SGCZ: variants seen among roughly 807,000 people sequenced by gnomAD.
The protein encoded by SGCZ is zeta-sarcoglycan.
Under a neutral mutation model 41.3 loss-of-function variants are expected in SGCZ, and 40 were observed. The ratio of observed to expected loss-of-function variants is 0.97; its 90% CI spans 0.75 to 1.26. The LOEUF is 1.26. SGCZ is among the 50% of genes most tolerant of loss of function. The pLI, the probability that SGCZ is intolerant of heterozygous loss-of-function variation, is 0.00. For missense variants in SGCZ, 552 were observed against 369.8 expected (o/e 1.49, Z -4.04); for synonymous variants, 206 against 137.5 (o/e 1.50, Z -3.49).
chr8:14,623,718 C>G (rs1417343656), intron 1 of SGCZ, among the ~76,000 whole-genome samples: 1 of 152,114 alleles, frequency 6.6e-6, no homozygotes, highest in Non-Finnish European at 1.5e-5. Flanking sequence ...AGCTGCTTGT[C>G]TTTCATGCAT....
intron 2 of SGCZ, among the ~76,000 whole-genome samples, chr8:14,352,355 C>T (rs1803131083): frequency 6.6e-6 from 1 of 151,810 alleles, no homozygotes; most frequent in African/African-American, 2.4e-5. Flanking sequence ...TAAATTTTGT[C>T]TTGGGAGGAA....
intron 2 of SGCZ, among the ~76,000 whole-genome samples, chr8:14,532,393 A>G (rs1803159914): frequency 6.6e-6 from 1 of 152,082 alleles, no homozygotes; most frequent in African/African-American, 2.4e-5. Flanking sequence ...CTTTGGAGCC[A>G]CCAATAACAG....
intron 1 of SGCZ, among the ~76,000 whole-genome samples, chr8:14,592,472 T>C (rs1174668238): frequency 6.6e-6 from 1 of 152,172 alleles, no homozygotes; most frequent in Non-Finnish European, 1.5e-5. Flanking sequence ...AATTCTTTCT[T>C]AATTTTACAA....
chr8:14,479,616 T>G (rs17302910), intron 2 of SGCZ, among the ~76,000 whole-genome samples: 22,108 of 152,132 alleles, frequency 0.15, 1,960 homozygotes, highest in South Asian at 0.2. Flanking sequence ...TTCTGCAATT[T>G]TAATTCCTCT....
chr8:14,243,412 A>C (rs377331336), intron 3 of SGCZ, among the ~76,000 whole-genome samples: 1 of 152,216 alleles, frequency 6.6e-6, no homozygotes, highest in Non-Finnish European at 1.5e-5. Context: ...TAAAACTCAC[A>C]TCGCAATAAC....
At chr8:14,651,850 A>C (rs1807409703) in intron 1 of SGCZ, among the ~76,000 whole-genome samples, 1 of 152,030 alleles carries the variant, frequency 6.6e-6, no homozygotes, top group Non-Finnish European at 1.5e-5. Context: ...AGTATCTTTG[A>C]ATGTTTCTGA....
At position 14,301,475 on chromosome 8, in the gene SGCZ, GT is replaced by G. The variant is rs544652661; in HGVS notation, c.336+22627del. On this transcript the variant is annotated intron_variant, in intron 3 of 7. Coordinates refer to ENST00000382080, the MANE Select transcript of SGCZ (RefSeq NM_139167.4). ...AGATTCACCCTCGTCTTAGTTTGCT[GT>G]TTTATAGATTACACCTTTCCAAATT... Among the ~76,000 whole-genome samples, 192 of 152,174 alleles carry G rather than the reference GT, an allele frequency of 1.3e-3. 1 individual carries two copies. Among genetic ancestry groups the G allele is most frequent in the African/African-American group, 4.5e-3 (189 of 41,562 alleles).
intron 1 of SGCZ, among the ~76,000 whole-genome samples, chr8:14,670,180 T>G (rs1808059103): frequency 6.6e-6 from 1 of 152,178 alleles, no homozygotes; most frequent in African/African-American, 2.4e-5. Flanking sequence ...TTCCAGGTTT[T>G]AAAATTAGGG....
chr8:14,382,733 T>C (rs1804415164), intron 2 of SGCZ, among the ~76,000 whole-genome samples: 1 of 152,232 alleles, frequency 6.6e-6, no homozygotes, highest in Non-Finnish European at 1.5e-5. Context: ...AAGTATTGAA[T>C]ACTTGGGTGA....
At chr8:14,520,228 G>T (rs564865475) in intron 2 of SGCZ, among the ~76,000 whole-genome samples, 1 of 152,036 alleles carries the variant, frequency 6.6e-6, no homozygotes, top group African/African-American at 2.4e-5. Flanking sequence ...TTTTCTCAAT[G>T]AGTACAGAAC....
Position 14,790,440 on chromosome 8 carries a change from G to T in SGCZ, c.40-235514C>A, listed in dbSNP as rs79127861. On this transcript the variant is annotated intron_variant, in intron 1 of 7. Transcript: ENST00000382080. ...TGTATTTCAGTTGGAATAAAATTTG[G>T]CAATATGTATCAAACGCATAAAAAA... 1.2e-4 allele frequency among the ~76,000 whole-genome samples: 18 copies of T among 152,124 alleles called. No individual in the cohort carries two copies. The East Asian group carries it at 3.3e-3, about 28-fold the overall frequency.
At chr8:14,915,857 G>A (rs1563360882) in intron 1 of SGCZ, among the ~76,000 whole-genome samples, 2 of 151,992 alleles carry the variant, frequency 1.3e-5, no homozygotes, top group South Asian at 2.1e-4. Context: ...ATGTGTCTGC[G>A]TCCTGAATTC....
intron 1 of SGCZ, among the ~76,000 whole-genome samples, chr8:14,872,831 G>C (rs912464508): frequency 3.9e-5 from 6 of 152,136 alleles, no homozygotes; most frequent in Non-Finnish European, 8.8e-5. Flanking sequence ...CCACTTCCCA[G>C]CACACTGACT....
intron 5 of SGCZ, among the ~76,000 whole-genome samples, chr8:14,109,026 A>G (rs1802294091): frequency 6.6e-6 from 1 of 152,110 alleles, no homozygotes. Context: ...TTAAAGACAA[A>G]CCCTCATAGA....
At chr8:14,541,241 A>G (rs1175726306) in intron 2 of SGCZ, among the ~76,000 whole-genome samples, 2 of 151,838 alleles carry the variant, frequency 1.3e-5, no homozygotes, top group Non-Finnish European at 2.9e-5. Context: ...CTATCAACCC[A>G]AGATCTAGGT....
intron 1 of SGCZ, among the ~76,000 whole-genome samples, chr8:14,702,328 G>T (rs1053702194): frequency 6.6e-6 from 1 of 151,576 alleles, no homozygotes; most frequent in Non-Finnish European, 1.5e-5. Context: ...GACATTTATT[G>T]TTAGAATGCT....
intron 1 of SGCZ, among the ~76,000 whole-genome samples, chr8:14,583,812 T>G (rs1429470764): frequency 1.4e-5 from 2 of 140,828 alleles, no homozygotes; most frequent in African/African-American, 5.1e-5. Flanking sequence ...TTCAAAATAA[T>G]TTATATGGCA....
chr8:15,077,770 G>T (rs1805592513), intron 1 of SGCZ, among the ~76,000 whole-genome samples: 1 of 152,046 alleles, frequency 6.6e-6, no homozygotes. Flanking sequence ...TAAACATCCA[G>T]CAAATCTACA....
intron 1 of SGCZ, among the ~76,000 whole-genome samples, chr8:15,036,103 G>GA (rs999913039): frequency 6.6e-6 from 1 of 151,626 alleles, no homozygotes; most frequent in Non-Finnish European, 1.5e-5. Context: ...GACTAATTCA[G>GA]AAAAAAGAGA....
Sources: gnomAD v4.1 joint callset for allele counts (sites outside exome capture counted in the v4.1 genomes callset) on GRCh38, gnomAD v4.1.1 for gene constraint, MANE v1.5 for transcripts, NCBI Gene and HGNC (gene_info 2026-07-23, HGNC 2026-07-21) for gene names.